The following MUC17 variants were observed in gnomAD, a reference collection of about 807,000 sequenced individuals.
MUC17 encodes the protein mucin-17.
A neutral mutation model predicts 170.3 loss-of-function variants in MUC17; 190 were observed. That is an observed-to-expected ratio of 1.12 (90% CI 0.99 to 1.26). The LOEUF (loss-of-function observed/expected upper bound fraction) is 1.26, where lower values mean the gene tolerates loss of function less well. Among genes scored for constraint, MUC17 ranks in the 50% most tolerant of loss-of-function variants. MUC17 has a pLI of 0.00. For synonymous variants in MUC17, 2,325 were observed against 2,002.5 expected (o/e 1.16, Z -4.30); for missense variants, 6,415 against 5,530.0 (o/e 1.16, Z -5.08).
Position 101,039,571 on chromosome 7 carries a change from A to G in MUC17, c.8155A>G (p.Thr2719Ala), listed in dbSNP as rs768250844. ...CACCCTTTCAACAACTCCTGTTGAC[A>G]CCAGCACACCTGTCACCACTTCTGC... Reference protein sequence around the residue: ...ASTLSTTPVDTSTPVTTSAEA... With the variant: ...ASTLSTTPVDASTPVTTSAEA... Residue 2719 changes from threonine to alanine, a missense_variant, in exon 3 of 13, where the codon ACC becomes GCC. By Grantham distance (58) the Thr-to-Ala change is moderately conservative. Coordinates refer to ENST00000306151, the MANE Select transcript of MUC17 (RefSeq NM_001040105.2). 11 of 1,612,466 alleles carry G rather than the reference A, an allele frequency of 6.8e-6. No homozygotes were observed. The East Asian group carries it at 2.5e-4, about 36-fold the overall frequency.
intron 1 of MUC17, among the ~76,000 whole-genome samples, chr7:101,025,037 T>C (rs544683670): frequency 6.6e-6 from 1 of 151,078 alleles, no homozygotes; most frequent in Non-Finnish European, 1.5e-5. Flanking sequence ...AAAGAAAAAT[T>C]TAATGGGTTT....
intron 9 of MUC17, among the ~76,000 whole-genome samples, chr7:101,052,215 C>A (rs1398268307): frequency 6.6e-6 from 1 of 152,168 alleles, no homozygotes; most frequent in Non-Finnish European, 1.5e-5. Context: ...AAGGTGACAA[C>A]CTCCTGGGAA....
In MUC17 at chr7:101,034,235, A is replaced by G. The variant is rs58478927; in HGVS notation, c.2819A>G (p.Glu940Gly). The change falls in exon 3 of 13, where the codon GAG (glutamate) becomes GGG (glycine). Residue 940 changes from glutamate to glycine, a missense_variant. Glu to Gly is a moderately conservative substitution (Grantham distance 98). Transcript: ENST00000306151. ...PDSTTPVVSS[E>G]ARTLSATPVD... Reference sequence around the variant, plus strand: ...AGCACCACGCCGGTAGTCAGTTCTGAGGCTAGAACACTTTCAGCAACTCCT... The same window carrying G: ...AGCACCACGCCGGTAGTCAGTTCTGGGGCTAGAACACTTTCAGCAACTCCT... 0.014 allele frequency: 20,160 copies of G among 1,458,630 alleles called. No individual in the cohort carries two copies. The highest frequency in any genetic ancestry group is 0.051 in the African/African-American group (2,509 of 49,462). The allele number at this position is 1,458,630 out of a possible 1,614,324, so 90.4% of individuals were successfully genotyped here.
In MUC17 at chr7:101,043,554, C is replaced by T; in HGVS notation, c.12138C>T (p.Thr4046=). ...CTTCTGTCACCACCCGTCCTGTGAC[C>T]CCTTCATCAGAATCCAGCAGGCCGT... The part of the protein sequence containing the change: ...TSTSVTTRPV[T]PSSESSRPST... The change falls in exon 3 of 13, where the codon ACC becomes ACT. Residue 4046 remains threonine (T), a synonymous_variant. Coordinates refer to ENST00000306151, the MANE Select transcript of MUC17 (RefSeq NM_001040105.2). 6.2e-7 allele frequency: 1 copy of T among 1,614,168 alleles called. No individual in the cohort carries two copies. The highest frequency in any genetic ancestry group is 1.1e-5 in the South Asian group (1 of 91,080).
intron 1 of MUC17, among the ~76,000 whole-genome samples, chr7:101,021,997 A>T (rs1794098572): frequency 6.6e-6 from 1 of 152,102 alleles, no homozygotes; most frequent in East Asian, 1.9e-4. Context: ...CCCTGCCATC[A>T]CAGATGCCCT....
chr7:101,029,821 A>T, intron 1 of MUC17, among the ~76,000 whole-genome samples: 1 of 151,030 alleles, frequency 6.6e-6, no homozygotes. Flanking sequence ...CTGGTCTTGA[A>T]CTCCTGACCT....
Position 101,033,934 on chromosome 7 carries a change from T to G in MUC17, c.2518T>G (p.Ser840Ala). ...PVDSNSPVTT[S>A]TEVSSSPTPA... ...TGACTCCAACAGTCCTGTGACCACT[T>G]CTACTGAAGTCAGTTCATCTCCTAC... Residue 840 changes from serine to alanine, a missense_variant, in exon 3 of 13, where the codon TCT (serine) becomes GCT (alanine). Physicochemically the swap from Ser to Ala is moderately conservative, Grantham distance 99. Transcript: ENST00000306151. 6.2e-7 allele frequency: 1 copy of G among 1,613,832 alleles called. No individual in the cohort carries two copies. The highest frequency in any genetic ancestry group is 1.7e-4 in the Middle Eastern group (1 of 6,056).
chr7:101,042,555 C>G lies in MUC17; in HGVS notation c.11139C>G (p.Thr3713=), dbSNP rs1365479472. Residue 3713 remains threonine, a synonymous_variant, in exon 3 of 13, where the codon ACC becomes ACG. Transcript: ENST00000306151. ...GTGTGACCAGCTCTGAGGGTAGCAC[C>G]CTTTCAACACCTTCTGTTGTCACCA... ...TTRVTSSEGS[T]LSTPSVVTST... The G allele has an allele frequency of 6.2e-7, 1 of 1,613,594 alleles. No individual in the cohort carries two copies. Among genetic ancestry groups the G allele is most frequent in the Non-Finnish European group, 8.5e-7 (1 of 1,179,870 alleles).
At position 101,020,195 on chromosome 7, in the gene MUC17, CCCA is replaced by C; in HGVS notation, c.62_64del (p.Pro21del). On this transcript the variant is annotated inframe_deletion, in exon 1 of 13. Coordinates refer to ENST00000306151, the MANE Select transcript of MUC17 (RefSeq NM_001040105.2). ...TGACCTTGGTCCTCTCGCTCTTGCC[CCCA>C]CAAGCTGCTGCAGAACAGGGTGAGT... 1.9e-6 allele frequency: 3 copies of C among 1,609,996 alleles called. No homozygotes were observed. The highest frequency in any genetic ancestry group is 1.7e-6 in the Non-Finnish European group (2 of 1,178,240).
In MUC17 at chr7:101,042,166, A is replaced by G. The variant is rs762287260; in HGVS notation, c.10750A>G (p.Ser3584Gly). The change falls in exon 3 of 13, where the codon AGC becomes GGC. Residue 3584 changes from serine (S) to glycine (G), a missense_variant. Coordinates refer to ENST00000306151, the MANE Select transcript of MUC17 (RefSeq NM_001040105.2). ...GSSSLTTMLL[S>G]STYVTSSEAS... ...CTCTTCATTAACAACTATGCTCCTC[A>G]GCAGCACATATGTGACCAGTTCTGA... 22 of 1,614,064 alleles carry G rather than the reference A, an allele frequency of 1.4e-5. No individual in the cohort carries two copies. In the East Asian group the frequency reaches 2.0e-4, roughly 15 times the overall value.
chr7:101,040,135 A>G lies in MUC17; in HGVS notation c.8719A>G (p.Ser2907Gly). 1 of 1,612,634 alleles carries G rather than the reference A, an allele frequency of 6.2e-7. No individual in the cohort carries two copies. The highest frequency in any genetic ancestry group is 8.5e-7 in the Non-Finnish European group (1 of 1,179,450). ...ACCTGTCACCACTTCTACTGAAGGC[A>G]GTTCTTCTCCTACAACTGCTGAAGG... ...SIPVTTSTEG[S>G]SSPTTAEGTS... The change falls in exon 3 of 13, where the codon AGT becomes GGT. Residue 2907 changes from serine to glycine, a missense_variant. Ser to Gly is a moderately conservative substitution (Grantham distance 56). Coordinates refer to ENST00000306151, the MANE Select transcript of MUC17 (RefSeq NM_001040105.2).
Position 101,039,918 on chromosome 7 carries a change from T to C in MUC17, c.8502T>C (p.Pro2834=), listed in dbSNP as rs1584868706. Residue 2834 remains proline, a synonymous_variant, in exon 3 of 13, where the codon CCT becomes CCC. Coordinates refer to ENST00000306151, the MANE Select transcript of MUC17 (RefSeq NM_001040105.2). The part of the protein sequence containing the change: ...SSEAGTLSTT[P]VDTSTPVTTS... Reference sequence around the variant, plus strand: ...AGGCTGGCACCCTTTCAACAACTCCTGTTGACACCAGCACACCTGTGACCA... The same window carrying C: ...AGGCTGGCACCCTTTCAACAACTCCCGTTGACACCAGCACACCTGTGACCA... 6.2e-7 allele frequency: 1 copy of C among 1,613,644 alleles called. No individual in the cohort carries two copies. The highest frequency in any genetic ancestry group is 8.5e-7 in the Non-Finnish European group (1 of 1,179,830).
rs997169026 is a variant in MUC17, at chr7:101,038,213, G to T, written c.6797G>T (p.Gly2266Val). 2 of 1,612,790 alleles carry T rather than the reference G, an allele frequency of 1.2e-6. No individual in the cohort carries two copies. Among genetic ancestry groups the T allele is most frequent in the Non-Finnish European group, 1.7e-6 (2 of 1,179,646 alleles). The change falls in exon 3 of 13, where the codon GGT becomes GTT. Residue 2266 changes from glycine (G) to valine (V), a missense_variant. Transcript: ENST00000306151. Reference sequence around the variant, plus strand: ...ACTTCATCTCCTACAACTGCTGAAGGTACCAGCATACCAACTTCAACTCTT... The same window carrying T: ...ACTTCATCTCCTACAACTGCTGAAGTTACCAGCATACCAACTTCAACTCTT... Reference protein sequence around the residue: ...EATSSPTTAEGTSIPTSTLSE... With the variant: ...EATSSPTTAEVTSIPTSTLSE...
chr7:101,024,973 A>C (rs1301457566), intron 1 of MUC17, among the ~76,000 whole-genome samples: 1 of 151,934 alleles, frequency 6.6e-6, no homozygotes, highest in Non-Finnish European at 1.5e-5. Flanking sequence ...CCAGCACCCC[A>C]CTTGAGGACT....
At position 101,032,618 on chromosome 7, in the gene MUC17, G is replaced by A. The variant is rs1794321578; in HGVS notation, c.1202G>A (p.Ser401Asn). 6.8e-6 allele frequency: 11 copies of A among 1,613,944 alleles called. No individual in the cohort carries two copies. The highest frequency in any genetic ancestry group is 7.6e-6 in the Non-Finnish European group (9 of 1,179,950). Residue 401 changes from serine to asparagine, a missense_variant, in exon 3 of 13, where the codon AGC becomes AAC. Transcript: ENST00000306151. ...GSTPLTNMPV[S>N]TILVASSEAS... ...ACTCCATTAACAAATATGCCTGTCAGCACCATATTGGTGGCCAGTTCTGAG... is the reference window on the plus strand; with the variant it reads ...ACTCCATTAACAAATATGCCTGTCAACACCATATTGGTGGCCAGTTCTGAG...
chr7:101,026,870 A>G lies in MUC17; in HGVS notation c.83-4250A>G, dbSNP rs894197575. Among the ~76,000 whole-genome samples, 24 of 152,226 alleles carry G rather than the reference A, an allele frequency of 1.6e-4. No individual in the cohort carries two copies. The East Asian group carries it at 1.9e-3, about 12-fold the overall frequency. The stretch of plus-strand genomic sequence containing the variant: ...CCTGGGACTACAGGCACGCACCACC[A>G]TGCCCAGCTAATTTTTTTTATTTTT... On this transcript the variant is annotated intron_variant, in intron 1 of 12. Transcript: ENST00000306151.
chr7:101,033,887 G>C lies in MUC17; in HGVS notation c.2471G>C (p.Ser824Thr), dbSNP rs200069756. ...SITPVTSPEA[S>T]TLSTTPVDSN... ...ACACCGGTGACCAGTCCTGAGGCTA[G>C]CACCCTTTCAACAACTCCTGTTGAC... Residue 824 changes from serine to threonine, a missense_variant, in exon 3 of 13, where the codon AGC (serine) becomes ACC (threonine). Coordinates refer to ENST00000306151, the MANE Select transcript of MUC17 (RefSeq NM_001040105.2). 81 of 1,613,386 alleles carry C rather than the reference G, an allele frequency of 5.0e-5. No individual in the cohort carries two copies. In the African/African-American group the frequency reaches 9.2e-4, roughly 18 times the overall value.
In MUC17 at chr7:101,031,743, G is replaced by A. The variant is rs745804040; in HGVS notation, c.327G>A (p.Arg109=). ...TSDTPGVSST[R]MTPTESRTTS... ...ACACTCCTGGTGTCTCCAGTACCAGGATGACACCAACAGAATCCAGAACAA... is the reference window on the plus strand; with the variant it reads ...ACACTCCTGGTGTCTCCAGTACCAGAATGACACCAACAGAATCCAGAACAA... The change falls in exon 3 of 13, where the codon AGG becomes AGA. Residue 109 remains arginine, a synonymous_variant. Transcript: ENST00000306151. 2.5e-6 allele frequency: 4 copies of A among 1,609,724 alleles called. No homozygotes were observed. The highest frequency in any genetic ancestry group is 3.4e-6 in the Non-Finnish European group (4 of 1,175,988).
rs1292606903 is a variant in MUC17, at chr7:101,036,295, A to G, written c.4879A>G (p.Ser1627Gly). ...EGSSMTISTPSEGSPLLTSIP... is the reference protein window; with the variant it reads ...EGSSMTISTPGEGSPLLTSIP... ...TAGCAGCATGACAATCTCAACTCCT[A>G]GTGAAGGAAGTCCTCTATTAACAAG... is the stretch of plus-strand genomic sequence containing the variant. The change falls in exon 3 of 13, where the codon AGT becomes GGT. Residue 1627 changes from serine (S) to glycine (G), a missense_variant. Coordinates refer to ENST00000306151, the MANE Select transcript of MUC17 (RefSeq NM_001040105.2). 6.2e-7 allele frequency: 1 copy of G among 1,613,594 alleles called. No homozygotes were observed. Among genetic ancestry groups the G allele is most frequent in the East Asian group, 2.2e-5 (1 of 44,834 alleles).
Sources: allele counts gnomAD v4.1 joint callset (sites outside exome capture counted in the v4.1 genomes callset), GRCh38; gene constraint gnomAD v4.1.1; transcripts MANE v1.5; gene names NCBI Gene and HGNC (gene_info 2026-07-23, HGNC 2026-07-21).